The following CLYBL variants were observed in gnomAD, a reference collection of about 807,000 sequenced individuals.
CLYBL encodes citramalyl-CoA lyase, mitochondrial.
Under a neutral mutation model 38.9 loss-of-function variants are expected in CLYBL, and 31 were observed. The observed-to-expected ratio is 0.80, with a 90% confidence interval of 0.60 to 1.08. The LOEUF (loss-of-function observed/expected upper bound fraction) is 1.08. CLYBL is among the 50% of genes least tolerant of loss of function. CLYBL has a pLI of 0.00. For missense variants in CLYBL, 434 were observed against 411.6 expected (o/e 1.05, Z -0.47); for synonymous variants, 171 against 158.6 (o/e 1.08, Z -0.59).
intron 4 of CLYBL, among the ~76,000 whole-genome samples, chr13:99,863,548 T>C (rs2139219314): frequency 6.6e-6 from 1 of 152,376 alleles, no homozygotes; most frequent in South Asian, 2.1e-4. Flanking sequence ...TTATTGTTTG[T>C]AAGTTCATGC....
chr13:99,870,860 A>C, intron 6 of CLYBL, 78 bp from the exon 7 acceptor site: 1 of 1,475,280 alleles, frequency 6.8e-7, no homozygotes, highest in Non-Finnish European at 9.2e-7. Context: ...GGCCTTCAGG[A>C]ACCTCACGCG....
At chr13:99,821,280 C>A (rs1420602993) in intron 2 of CLYBL, among the ~76,000 whole-genome samples, 1 of 152,106 alleles carries the variant, frequency 6.6e-6, no homozygotes, top group South Asian at 2.1e-4. Flanking sequence ...TCGGTATCCT[C>A]GACTTGGCTT....
intron 8 of CLYBL, among the ~76,000 whole-genome samples, chr13:99,904,488 T>C (rs964019355): frequency 2.0e-5 from 3 of 152,224 alleles, no homozygotes; most frequent in East Asian, 1.9e-4. Flanking sequence ...TAATTTCTAA[T>C]TTTATACACA....
chr13:99,854,499 G>A (rs940309567), intron 2 of CLYBL, among the ~76,000 whole-genome samples: 17 of 151,692 alleles, frequency 1.1e-4, no homozygotes, highest in African/African-American at 3.4e-4. Context: ...CTGAGCTGCC[G>A]CCACGGAGCT....
At chr13:99,636,115 A>T (rs1345365151) in intron 1 of CLYBL, among the ~76,000 whole-genome samples, 1 of 152,186 alleles carries the variant, frequency 6.6e-6, no homozygotes, top group African/African-American at 2.4e-5. Context: ...TTAATTGTGG[A>T]ATTTCACGTA....
At chr13:99,879,084 G>A (rs1566365010) in intron 7 of CLYBL, among the ~76,000 whole-genome samples, 1 of 152,038 alleles carries the variant, frequency 6.6e-6, no homozygotes, top group Admixed American at 6.6e-5. Context: ...TTGTTCAGCC[G>A]CCTCGACCTT....
At chr13:99,667,481 G>A (rs796418592) in intron 1 of CLYBL, among the ~76,000 whole-genome samples, 5 of 147,684 alleles carry the variant, frequency 3.4e-5, no homozygotes, top group African/African-American at 1.3e-4. Flanking sequence ...TGCTAGAAGA[G>A]TGGAGAGACC....
At chr13:99,785,888 G>A (rs1234336221) in intron 2 of CLYBL, among the ~76,000 whole-genome samples, 4 of 151,944 alleles carry the variant, frequency 2.6e-5, no homozygotes, top group Admixed American at 1.3e-4. Flanking sequence ...GAGCCACTGC[G>A]CTTGGCAATA....
At chr13:99,826,812 C>T (rs1230655773) in intron 2 of CLYBL, among the ~76,000 whole-genome samples, 1 of 152,250 alleles carries the variant, frequency 6.6e-6, no homozygotes, top group Non-Finnish European at 1.5e-5. Context: ...CCCTGAGATG[C>T]TCGCCCTGTT....
intron 1 of CLYBL, among the ~76,000 whole-genome samples, chr13:99,651,501 C>T (rs1037818468): frequency 6.6e-5 from 10 of 151,772 alleles, no homozygotes; most frequent in African/African-American, 1.9e-4. Flanking sequence ...ACCCAGGAGA[C>T]GGAGGTTGTA....
chr13:99,643,962 G>A (rs539783933), intron 1 of CLYBL, among the ~76,000 whole-genome samples: 99 of 141,284 alleles, frequency 7.0e-4, no homozygotes, highest in South Asian at 1.3e-3. Flanking sequence ...TCCAGACTGC[G>A]CCATTGCACT....
chr13:99,881,804 T>C (rs967340580), intron 7 of CLYBL, among the ~76,000 whole-genome samples: 1 of 152,222 alleles, frequency 6.6e-6, no homozygotes, highest in African/African-American at 2.4e-5. Context: ...CAAATATCAC[T>C]GCCTTCAATC....
intron 1 of CLYBL, among the ~76,000 whole-genome samples, chr13:99,618,844 A>G (rs749757241): frequency 2.6e-5 from 4 of 152,198 alleles, no homozygotes; most frequent in Non-Finnish European, 5.9e-5. Context: ...ACTCAGCATA[A>G]TATCTTCCAA....
intron 8 of CLYBL, among the ~76,000 whole-genome samples, chr13:99,904,815 C>A (rs190628884): frequency 6.6e-6 from 1 of 152,156 alleles, no homozygotes; most frequent in African/African-American, 2.4e-5. Flanking sequence ...CCCACAGCCC[C>A]GCAAGGCAGA....
intron 1 of CLYBL, among the ~76,000 whole-genome samples, chr13:99,689,717 A>G (rs988449547): frequency 6.6e-6 from 1 of 152,222 alleles, no homozygotes; most frequent in African/African-American, 2.4e-5. Context: ...TTATAGATGC[A>G]ATTTTTATCC....
intron 1 of CLYBL, among the ~76,000 whole-genome samples, chr13:99,681,492 G>T (rs1410933836): frequency 6.6e-6 from 1 of 152,176 alleles, no homozygotes; most frequent in Non-Finnish European, 1.5e-5. Context: ...GACAGAGAGA[G>T]CAGTAATGAT....
At chr13:99,895,876 CTTCT>C (rs1566371474), downstream of CLYBL, 1 of 151,660 alleles carries the variant, frequency 6.6e-6, no homozygotes, top group East Asian at 1.9e-4. Flanking sequence ...CATTTGGGGA[CTTCT>C]TTGTCATTCA....
At chr13:99,735,150 T>G (rs2048647596) in intron 1 of CLYBL, among the ~76,000 whole-genome samples, 1 of 152,216 alleles carries the variant, frequency 6.6e-6, no homozygotes, top group Non-Finnish European at 1.5e-5. Context: ...TCATTCTTTG[T>G]CTTTGCCTGA....
chr13:99,782,541 G>C (rs182863977), intron 2 of CLYBL, among the ~76,000 whole-genome samples: 1 of 152,170 alleles, frequency 6.6e-6, no homozygotes, highest in Non-Finnish European at 1.5e-5. Context: ...AAATTTCAAA[G>C]GATGGGTACC....
Sources: gnomAD v4.1 joint callset for allele counts (sites outside exome capture counted in the v4.1 genomes callset) on GRCh38, gnomAD v4.1.1 for gene constraint, MANE v1.5 for transcripts, NCBI Gene and HGNC (gene_info 2026-07-23, HGNC 2026-07-21) for gene names.